ZC3H12A: variants seen among roughly 807,000 people sequenced by gnomAD.
ZC3H12A encodes the protein endoribonuclease ZC3H12A.
Under a neutral mutation model 29.9 loss-of-function variants are expected in ZC3H12A, and 9 were observed. The observed-to-expected ratio is 0.30, with a 90% CI of 0.18 to 0.53. The LOEUF is 0.53. Among genes scored for constraint, ZC3H12A ranks in the 20% least tolerant of loss-of-function variants. The probability of loss-of-function intolerance (pLI) is 0.96; values close to 1 mark genes in which losing one functional copy is unlikely to be tolerated. For synonymous variants in ZC3H12A, 323 were observed against 338.1 expected, an observed-to-expected ratio of 0.96 and a Z score of 0.49; for missense variants, 617 against 799.0, an observed-to-expected ratio of 0.77 and a Z score of 2.75.
At chr1:37,480,169 C>T in intron 2 of ZC3H12A, 121 bp from the exon 3 acceptor site, 1 of 1,478,656 alleles carries the variant, frequency 6.8e-7, no homozygotes, top group Non-Finnish European at 9.0e-7. Context: ...GAAGGGACTG[C>T]TCACTACCAC....
rs561955862 is a variant in ZC3H12A at position 37,480,085 on chromosome 1, G to A, written c.444-205G>A. On this transcript the variant is annotated intron_variant, in intron 2 of 5. Coordinates refer to ENST00000373087, the MANE Select transcript of ZC3H12A (RefSeq NM_025079.3). The stretch of plus-strand genomic sequence containing the variant: ...ACTGGCACTGGGAATGGAGGCCTTG[G>A]CCTTGGGCCCCACCTGCAGAGGGCC... 6.5e-5 allele frequency: 85 copies of A among 1,299,238 alleles called. 2 individuals are homozygous for A. In the South Asian group the frequency reaches 1.8e-3, roughly 27 times the overall value. 80.5% of individuals were successfully genotyped at this position (1,299,238 alleles called of 1,614,324 possible). A position where few individuals can be genotyped will look rare whatever the true frequency, so the allele number is the denominator to read the frequency against.
chr1:37,482,464 G>A lies in ZC3H12A; in HGVS notation c.849G>A (p.Arg283=). 1 of 1,613,984 alleles carries A rather than the reference G, an allele frequency of 6.2e-7. No homozygotes were observed. The highest frequency in any genetic ancestry group is 8.5e-7 in the Non-Finnish European group (1 of 1,179,934). ...TGCCCCCTGATGACCCACTGGGCCGGCACGGGCCCAGCCTGGACAACTTCC... is the reference window on the plus strand; with the variant it reads ...TGCCCCCTGATGACCCACTGGGCCGACACGGGCCCAGCCTGGACAACTTCC... The part of the protein sequence containing the change: ...KFMPPDDPLG[R]HGPSLDNFLR... Residue 283 remains arginine (R), a synonymous_variant, in exon 5 of 6, where the codon CGG becomes CGA. Coordinates refer to ENST00000373087, the MANE Select transcript of ZC3H12A (RefSeq NM_025079.3).
chr1:37,475,648 A>G lies in ZC3H12A; in HGVS notation c.152A>G (p.Lys51Arg). Residue 51 changes from lysine to arginine, a missense_variant, in exon 2 of 6, where the codon AAG becomes AGG. By Grantham distance (26) the Lys-to-Arg change is conservative (BLOSUM62 2). Transcript: ENST00000373087. The surrounding 1 kb of genome is among the most constrained non-coding windows in gnomAD (Gnocchi z 5.2). ...EEASALELQMKVDFFRKLGYS... is the reference protein window; with the variant it reads ...EEASALELQMRVDFFRKLGYS... ...GCCTCGGCCCTGGAACTGCAGATGA[A>G]GGTGGACTTCTTCCGGAAGCTGGGC... 1 of 1,614,134 alleles carries G rather than the reference A, an allele frequency of 6.2e-7. No homozygotes were observed. The highest frequency in any genetic ancestry group is 8.5e-7 in the Non-Finnish European group (1 of 1,180,034).
chr1:37,482,557 G>A lies in ZC3H12A; in HGVS notation c.925+17G>A. The stretch of plus-strand genomic sequence containing the variant: ...GTCCCTATGGTATGGAACCCAGCCT[G>A]CCCTCCCCGGCCCTCCTCACTCCTG... On this transcript the variant is annotated intron_variant, in intron 5 of 5. Transcript: ENST00000373087. The A allele has an allele frequency of 6.2e-7, 1 of 1,612,758 alleles. No individual in the cohort carries two copies. Among genetic ancestry groups the A allele is most frequent in the Non-Finnish European group, 8.5e-7 (1 of 1,178,836 alleles).
Position 37,483,068 on chromosome 1 carries a change from C to A in ZC3H12A, c.1257C>A (p.Asp419Glu). Residue 419 changes from aspartate (D) to glutamate (E), a missense_variant, in exon 6 of 6, where the codon GAC becomes GAA. Physicochemically the swap from Asp to Glu is conservative, Grantham distance 45. Transcript: ENST00000373087. The stretch of plus-strand genomic sequence containing the variant: ...GTGGCAGCAGCTTTGGGCCCACAGA[C>A]TGGCTCCCACAGACGCTGGACTCAC... ...GGSGSSFGPTDWLPQTLDSLP... is the reference protein window; with the variant it reads ...GGSGSSFGPTEWLPQTLDSLP... 6.2e-7 allele frequency: 1 copy of A among 1,609,328 alleles called. No individual in the cohort carries two copies. The highest frequency in any genetic ancestry group is 8.5e-7 in the Non-Finnish European group (1 of 1,178,292).
Position 37,479,767 on chromosome 1 carries a change from T to C in ZC3H12A, c.444-523T>C. Reference sequence around the variant, plus strand: ...CCGGAACAATCTGGTTTCTCCTCGGTCAGCCCAGCCGGTGCTTCCCCCGCC... The same window carrying C: ...CCGGAACAATCTGGTTTCTCCTCGGCCAGCCCAGCCGGTGCTTCCCCCGCC... On this transcript the variant is annotated intron_variant, in intron 2 of 5. Coordinates refer to ENST00000373087, the MANE Select transcript of ZC3H12A (RefSeq NM_025079.3). This position sits in a 1 kb window ranked among gnomAD's most constrained non-coding sequence, Gnocchi z 4.5. The C allele has an allele frequency of 1.0e-6, 1 of 985,370 alleles. No individual in the cohort carries two copies. The highest frequency in any genetic ancestry group is 4.7e-5 in the South Asian group (1 of 21,288). The allele number at this position is 985,370 out of a possible 1,614,324, so 61.0% of individuals were successfully genotyped here.
At position 37,479,013 on chromosome 1, in the gene ZC3H12A, TTC is replaced by T; in HGVS notation, c.444-1273_444-1272del. On this transcript the variant is annotated intron_variant, in intron 2 of 5. Coordinates refer to ENST00000373087, the MANE Select transcript of ZC3H12A (RefSeq NM_025079.3). This position sits in a 1 kb window ranked among gnomAD's most constrained non-coding sequence, Gnocchi z 4.5. The stretch of plus-strand genomic sequence containing the variant: ...CAGCTGCCCCACCTCCCTCCCTAGC[TTC>T]TCTTAGGGCTCCAGCTATCACCCCT... 2 of 984,626 alleles carry T rather than the reference TTC, an allele frequency of 2.0e-6. No homozygotes were observed. The highest frequency in any genetic ancestry group is 2.4e-6 in the Non-Finnish European group (2 of 829,748). The allele number at this position is 984,626 out of a possible 1,614,324, so 61.0% of individuals were successfully genotyped here. A position where few individuals can be genotyped will look rare whatever the true frequency, so the allele number is the denominator to read the frequency against.
In ZC3H12A at chr1:37,475,427, A is replaced by G. The variant is rs1246504688; in HGVS notation, c.-38-32A>G. On this transcript the variant is annotated intron_variant, in intron 1 of 5. Transcript: ENST00000373087. The surrounding 1 kb of genome is among the most constrained non-coding windows in gnomAD (Gnocchi z 5.2). The stretch of plus-strand genomic sequence containing the variant: ...GGGAGGGAGGTTAGGAGAGAGCGCT[A>G]TTCACCGTCCCTAACCCTGTTGGTT... 6 of 1,505,078 alleles carry G rather than the reference A, an allele frequency of 4.0e-6. No individual in the cohort carries two copies. The highest frequency in any genetic ancestry group is 5.3e-6 in the Non-Finnish European group (6 of 1,122,418). The allele number at this position is 1,505,078 out of a possible 1,614,324, so 93.2% of individuals were successfully genotyped here.
In ZC3H12A at chr1:37,480,356, G is replaced by C. The variant is rs1476187466; in HGVS notation, c.510G>C (p.Arg170=). 1 of 1,614,088 alleles carries C rather than the reference G, an allele frequency of 6.2e-7. No individual in the cohort carries two copies. The highest frequency in any genetic ancestry group is 2.2e-5 in the East Asian group (1 of 44,868). ...TGGCAGTGAACTGGTTTCTGGAGCG[G>C]GGCCACACAGACATCACAGTGTTTG... ...ILLAVNWFLE[R]GHTDITVFVP... Residue 170 remains arginine (R), a synonymous_variant, in exon 3 of 6, where the codon CGG becomes CGC. Transcript: ENST00000373087.
chr1:37,480,531 A>G, intron 3 of ZC3H12A, 102 bp downstream of exon 3: 4 of 1,404,752 alleles, frequency 2.8e-6, no homozygotes, highest in Non-Finnish European at 3.8e-6. Context: ...CTAGAACTCA[A>G]GCAGGGACCA....
chr1:37,481,063 G>A (rs947896357), intron 3 of ZC3H12A, among the ~76,000 whole-genome samples: 1 of 152,232 alleles, frequency 6.6e-6, no homozygotes, highest in Non-Finnish European at 1.5e-5. Context: ...GTCTGGGACT[G>A]TAGGCTCCAG....
chr1:37,480,667 C>T (rs1392653351), intron 3 of ZC3H12A, among the ~76,000 whole-genome samples: 1 of 152,232 alleles, frequency 6.6e-6, no homozygotes, highest in African/African-American at 2.4e-5. Context: ...GTGGGCAGGT[C>T]GCTCTTTCAA....
Position 37,478,796 on chromosome 1 carries a change from T to C in ZC3H12A, c.444-1494T>C. The C allele has an allele frequency of 4.1e-6, 4 of 968,930 alleles. No homozygotes were observed. Among genetic ancestry groups the C allele is most frequent in the Non-Finnish European group, 4.9e-6 (4 of 814,912 alleles). 60.0% of individuals were successfully genotyped at this position (968,930 alleles called of 1,614,324 possible). On this transcript the variant is annotated intron_variant, in intron 2 of 5. Transcript: ENST00000373087. The surrounding 1 kb of genome is among the most constrained non-coding windows in gnomAD (Gnocchi z 5.2). ...CACAAGCTTGCTGATGATTCAGTGT[T>C]AGACACTTATAACAGGGCCTGGTTC... is the stretch of plus-strand genomic sequence containing the variant.
chr1:37,482,671 C>T (rs1426698722), intron 5 of ZC3H12A, 66 bp from the exon 6 acceptor site: 1 of 1,611,672 alleles, frequency 6.2e-7, no homozygotes, highest in South Asian at 1.1e-5. Flanking sequence ...TGTGCCACCC[C>T]TTCCCTGCTC....
intron 2 of ZC3H12A, chr1:37,480,073 A>C: frequency 6.3e-6 from 8 of 1,265,672 alleles, no homozygotes; most frequent in East Asian, 3.0e-5. Context: ...GGCACTGGGA[A>C]TGGAGGCCTT....
Position 37,475,062 on chromosome 1 carries a change from T to G in ZC3H12A, c.-38-397T>G, listed in dbSNP as rs1434794105. Among the ~76,000 whole-genome samples, 1 of 152,192 alleles carries G rather than the reference T, an allele frequency of 6.6e-6. No individual in the cohort carries two copies. The highest frequency in any genetic ancestry group is 2.4e-5 in the African/African-American group (1 of 41,456). ...GGACGGGTGGGCGAAAGTGGTGGCC[T>G]CAGTGGGGAAGCCTTGGGCCCCGCA... On this transcript the variant is annotated intron_variant, in intron 1 of 5. Coordinates refer to ENST00000373087, the MANE Select transcript of ZC3H12A (RefSeq NM_025079.3). This position sits in a 1 kb window ranked among gnomAD's most constrained non-coding sequence, Gnocchi z 5.2.
rs772598591 is a variant in ZC3H12A, at chr1:37,475,597, C to G, written c.101C>G (p.Pro34Arg). 1 of 1,614,052 alleles carries G rather than the reference C, an allele frequency of 6.2e-7. No homozygotes were observed. The highest frequency in any genetic ancestry group is 1.1e-5 in the South Asian group (1 of 91,086). ...CACAGCCGTCAGGGCACCCCAAGGC[C>G]GGGTCAAGAGCTGGCCGCTGAGGAG... Reference protein sequence around the residue: ...DSHSRQGTPRPGQELAAEEAS... With the variant: ...DSHSRQGTPRRGQELAAEEAS... Residue 34 changes from proline to arginine, a missense_variant, in exon 2 of 6, where the codon CCG becomes CGG. Around this residue, in one of 5 missense-constraint regions of ZC3H12A, gnomAD observed 67 missense variants for 56.2 expected, o/e 1.19. Transcript: ENST00000373087. The surrounding 1 kb of genome is among the most constrained non-coding windows in gnomAD (Gnocchi z 5.2).
rs756961282 is a variant in ZC3H12A, at chr1:37,482,853, G to A, written c.1042G>A (p.Ala348Thr). 15 of 1,613,808 alleles carry A rather than the reference G, an allele frequency of 9.3e-6. No homozygotes were observed. In the Admixed American group the frequency reaches 2.2e-4, roughly 23 times the overall value. The change falls in exon 6 of 6, where the codon GCC becomes ACC. Residue 348 changes from alanine (A) to threonine (T), a missense_variant. Around this residue, in one of 5 missense-constraint regions of ZC3H12A, gnomAD observed 115 missense variants for 112.5 expected, o/e 1.02. Coordinates refer to ENST00000373087, the MANE Select transcript of ZC3H12A (RefSeq NM_025079.3). Reference sequence around the variant, plus strand: ...CAATGCTCTCCTCTCACCCCCCAGAGCCCCAAGCAAGGACAAAAATGGCCG... The same window carrying A: ...CAATGCTCTCCTCTCACCCCCCAGAACCCCAAGCAAGGACAAAAATGGCCG... ...RANALLSPPR[A>T]PSKDKNGRRP...
rs764746643 is a variant in ZC3H12A, at chr1:37,480,318, C to T, written c.472C>T (p.Arg158Trp). 3.8e-5 allele frequency: 62 copies of T among 1,613,790 alleles called. No individual in the cohort carries two copies. The highest frequency in any genetic ancestry group is 4.4e-5 in the South Asian group (4 of 91,068). ...SHGNKEVFSC[R>W]GILLAVNWFL... Reference sequence around the variant, plus strand: ...TGGGAACAAGGAGGTCTTCTCCTGCCGGGGCATCCTGCTGGCAGTGAACTG... The same window carrying T: ...TGGGAACAAGGAGGTCTTCTCCTGCTGGGGCATCCTGCTGGCAGTGAACTG... Residue 158 changes from arginine to tryptophan, a missense_variant, in exon 3 of 6, where the codon CGG becomes TGG. By Grantham distance (101) the Arg-to-Trp change is moderately radical. Coordinates refer to ENST00000373087, the MANE Select transcript of ZC3H12A (RefSeq NM_025079.3).
Sources: allele counts gnomAD v4.1 joint callset (sites outside exome capture counted in the v4.1 genomes callset), GRCh38; gene constraint gnomAD v4.1.1; regional missense constraint gnomAD v4.1.1; non-coding constraint Gnocchi (gnomAD v3.1); transcripts MANE v1.5; gene names NCBI Gene and HGNC (gene_info 2026-07-23, HGNC 2026-07-21).